The following MFSD6 variants were observed in gnomAD, a reference collection of about 807,000 sequenced individuals.
The protein encoded by MFSD6 is major facilitator superfamily domain-containing protein 6.
A neutral mutation model predicts 56.3 loss-of-function variants in MFSD6; 26 were observed. That is an observed-to-expected ratio of 0.46 (90% CI 0.34 to 0.64). The LOEUF is 0.64. MFSD6 is among the 30% of genes least tolerant of loss of function. The probability of loss-of-function intolerance (pLI) is 0.01; values close to 1 mark genes in which losing one functional copy is unlikely to be tolerated. For synonymous variants in MFSD6, 331 were observed against 366.9 expected (o/e 0.90, Z 1.12); for missense variants, 750 against 986.2 (o/e 0.76, Z 3.21).
intron 2 of MFSD6, among the ~76,000 whole-genome samples, chr2:190,429,073 A>G (rs899242345): frequency 5.3e-5 from 8 of 151,946 alleles, no homozygotes; most frequent in Admixed American, 2.6e-4. Flanking sequence ...ATCTTTTTAC[A>G]TATTTATTGG....
At chr2:190,430,987 A>G (rs1188253073) in intron 2 of MFSD6, among the ~76,000 whole-genome samples, 2 of 143,044 alleles carry the variant, frequency 1.4e-5, no homozygotes, top group African/African-American at 5.3e-5. Flanking sequence ...CACTTCTCAG[A>G]TGGGGCAGCT....
Position 190,489,112 on chromosome 2 carries a change from G to C in MFSD6, c.1792+294G>C, listed in dbSNP as rs1415319162. 6.6e-6 allele frequency among the ~76,000 whole-genome samples: 1 copy of C among 152,124 alleles called. No homozygotes were observed. The highest frequency in any genetic ancestry group is 1.5e-5 in the Non-Finnish European group (1 of 68,012). On this transcript the variant is annotated intron_variant, in intron 5 of 7. Coordinates refer to ENST00000392328, the MANE Select transcript of MFSD6 (RefSeq NM_017694.4). This position sits in a 1 kb window ranked among gnomAD's most constrained non-coding sequence, Gnocchi z 6.6. ...AAATGAATTAGCATGAGTGCTTTTG[G>C]TCTAAAATAAGGTACCTTAAACCTG...
intron 3 of MFSD6, among the ~76,000 whole-genome samples, chr2:190,455,852 A>T (rs555025455): frequency 1.3e-5 from 2 of 151,562 alleles, no homozygotes. Context: ...TAAAAACAGA[A>T]TAGAGCAAAA....
rs1433895169 is a variant in MFSD6, at chr2:190,492,186, G to T, written c.1891+2320G>T. Among the ~76,000 whole-genome samples, 12 of 152,140 alleles carry T rather than the reference G, an allele frequency of 7.9e-5. No homozygotes were observed. Among genetic ancestry groups the T allele is most frequent in the Admixed American group, 5.9e-4 (9 of 15,276 alleles). On this transcript the variant is annotated intron_variant, in intron 6 of 7. Transcript: ENST00000392328. The surrounding 1 kb of genome is among the most constrained non-coding windows in gnomAD (Gnocchi z 5.2). ...TAAATAAACAAACCTAAGAATAATT[G>T]GAGTTCCTGAGGAAGAAGATACATC...
Position 190,494,563 on chromosome 2 carries a change from C to T in MFSD6, c.1892-2876C>T, listed in dbSNP as rs562980788. On this transcript the variant is annotated intron_variant, in intron 6 of 7. Transcript: ENST00000392328. The surrounding 1 kb of genome is among the most constrained non-coding windows in gnomAD (Gnocchi z 5.7). ...CATAACAAAAAAAGAAAACTACAGA[C>T]CAATATCCCTGATGAACATCAATGC... 5.3e-5 allele frequency among the ~76,000 whole-genome samples: 8 copies of T among 152,256 alleles called. No homozygotes were observed. The East Asian group carries it at 1.5e-3, about 29-fold the overall frequency.
intron 4 of MFSD6, chr2:190,477,196 A>G: frequency 1.1e-6 from 1 of 927,028 alleles, no homozygotes; most frequent in Non-Finnish European, 1.3e-6. Flanking sequence ...CTAAAACTTA[A>G]AGTATAATAA....
In MFSD6 at chr2:190,463,975, C is replaced by A. The variant is rs893263290; in HGVS notation, c.1533-5783C>A. On this transcript the variant is annotated intron_variant, in intron 3 of 7. Transcript: ENST00000392328. This position sits in a 1 kb window ranked among gnomAD's most constrained non-coding sequence, Gnocchi z 4.4. ...TGCTCCAGGGATCTGGTGTCAACAACCAGCTCTTTTCATTAGGAAATCTAG... is the reference window on the plus strand; with the variant it reads ...TGCTCCAGGGATCTGGTGTCAACAAACAGCTCTTTTCATTAGGAAATCTAG... 5 of 811,298 alleles carry A rather than the reference C, an allele frequency of 6.2e-6. No individual in the cohort carries two copies. The highest frequency in any genetic ancestry group is 1.9e-5 in the African/African-American group (1 of 53,752). The allele number at this position is 811,298 out of a possible 1,614,324, so 50.3% of individuals were successfully genotyped here.
rs1465023460 is a variant in MFSD6, at chr2:190,496,325, A to C, written c.1892-1114A>C. ...AAGAATGGCCATTATCAAATAATCA[A>C]AAAATAATTGATGTTGGTGTGGATG... On this transcript the variant is annotated intron_variant, in intron 6 of 7. Coordinates refer to ENST00000392328, the MANE Select transcript of MFSD6 (RefSeq NM_017694.4). This position sits in a 1 kb window ranked among gnomAD's most constrained non-coding sequence, Gnocchi z 4.7. Among the ~76,000 whole-genome samples, 1 of 152,196 alleles carries C rather than the reference A, an allele frequency of 6.6e-6. No homozygotes were observed. Among genetic ancestry groups the C allele is most frequent in the Non-Finnish European group, 1.5e-5 (1 of 68,014 alleles).
chr2:190,428,374 A>G (rs1258453950), intron 2 of MFSD6, among the ~76,000 whole-genome samples: 4 of 152,196 alleles, frequency 2.6e-5, no homozygotes, highest in African/African-American at 9.7e-5. Context: ...ATTAGTAGCT[A>G]TTCCCAGTTT....
In MFSD6 at chr2:190,499,755, C is replaced by A; in HGVS notation, c.2173-260C>A. Reference sequence around the variant, plus strand: ...AAACTGTTTACCAAGTACTAACAGACATTTTGGTAGTAATGTTCCTTTTTC... The same window carrying A: ...AAACTGTTTACCAAGTACTAACAGAAATTTTGGTAGTAATGTTCCTTTTTC... On this transcript the variant is annotated intron_variant, in intron 7 of 7. Transcript: ENST00000392328. This position sits in a 1 kb window ranked among gnomAD's most constrained non-coding sequence, Gnocchi z 6.0. 7.2e-7 allele frequency: 1 copy of A among 1,379,338 alleles called. No homozygotes were observed. Among genetic ancestry groups the A allele is most frequent in the Non-Finnish European group, 9.7e-7 (1 of 1,026,034 alleles). The allele number at this position is 1,379,338 out of a possible 1,614,324, so 85.4% of individuals were successfully genotyped here.
Position 190,490,010 on chromosome 2 carries a change from T to G in MFSD6, c.1891+144T>G. ...TCTGAGTGGCGTATCGATGAATTCA[T>G]GTGGACTATTGTTAAAGAGATCCAC... On this transcript the variant is annotated intron_variant, in intron 6 of 7. Transcript: ENST00000392328. This position sits in a 1 kb window ranked among gnomAD's most constrained non-coding sequence, Gnocchi z 4.5. 1.6e-6 allele frequency: 1 copy of G among 620,594 alleles called. No individual in the cohort carries two copies. The highest frequency in any genetic ancestry group is 2.7e-6 in the Non-Finnish European group (1 of 363,932). The allele number at this position is 620,594 out of a possible 1,614,324, so 38.4% of individuals were successfully genotyped here.
chr2:190,473,257 G>A (rs1688061477), intron 4 of MFSD6, among the ~76,000 whole-genome samples: 1 of 152,070 alleles, frequency 6.6e-6, no homozygotes, highest in Non-Finnish European at 1.5e-5. Context: ...AAATATAAAT[G>A]GGCTAAATGC....
chr2:190,500,475 G>A lies in MFSD6; in HGVS notation c.*257G>A, dbSNP rs529406315. The stretch of plus-strand genomic sequence containing the variant: ...AATGAGGACTTTCAGTTCTTTGCTT[G>A]GTTAGGTTAAGGATGATAGAATTTC... On this transcript the variant is annotated 3_prime_UTR_variant, in exon 8 of 8. Coordinates refer to ENST00000392328, the MANE Select transcript of MFSD6 (RefSeq NM_017694.4). The surrounding 1 kb of genome is among the most constrained non-coding windows in gnomAD (Gnocchi z 5.3). 4.1e-6 allele frequency: 2 copies of A among 490,782 alleles called. No homozygotes were observed. Among genetic ancestry groups the A allele is most frequent in the Admixed American group, 6.9e-5 (2 of 28,840 alleles). The allele number at this position is 490,782 out of a possible 1,614,324, so 30.4% of individuals were successfully genotyped here. A position where few individuals can be genotyped will look rare whatever the true frequency, so the allele number is the denominator to read the frequency against.
intron 6 of MFSD6, among the ~76,000 whole-genome samples, chr2:190,493,947 T>C (rs1689514668): frequency 6.6e-6 from 1 of 151,230 alleles, no homozygotes; most frequent in Admixed American, 6.6e-5. Flanking sequence ...AGGTCACACC[T>C]CAAGGAACTA....
intron 3 of MFSD6, among the ~76,000 whole-genome samples, chr2:190,445,814 G>A (rs1686559345): frequency 6.6e-6 from 1 of 151,974 alleles, no homozygotes; most frequent in South Asian, 2.1e-4. Flanking sequence ...TGGTAATATG[G>A]AAAGAATAAT....
rs1685700532 is a variant in MFSD6 at position 190,423,589 on chromosome 2, G to T, written c.-54+8176G>T. ...CTTTTTGGCTATTATGAAGAAAGCTGCTATAAACATTTATGCATGGGTTTC... is the reference window on the plus strand; with the variant it reads ...CTTTTTGGCTATTATGAAGAAAGCTTCTATAAACATTTATGCATGGGTTTC... On this transcript the variant is annotated intron_variant, in intron 2 of 7. Transcript: ENST00000392328. The surrounding 1 kb of genome is among the most constrained non-coding windows in gnomAD (Gnocchi z 4.3). Among the ~76,000 whole-genome samples, 1 of 152,152 alleles carries T rather than the reference G, an allele frequency of 6.6e-6. No homozygotes were observed. Among genetic ancestry groups the T allele is most frequent in the East Asian group, 1.9e-4 (1 of 5,198 alleles).
chr2:190,427,201 C>T (rs979894392), intron 2 of MFSD6, among the ~76,000 whole-genome samples: 2 of 152,246 alleles, frequency 1.3e-5, no homozygotes, highest in Non-Finnish European at 2.9e-5. Context: ...CCCATGTAAT[C>T]TCCACTGATA....
At chr2:190,427,053 A>G (rs1263911731) in intron 2 of MFSD6, among the ~76,000 whole-genome samples, 2 of 152,180 alleles carry the variant, frequency 1.3e-5, no homozygotes, top group Non-Finnish European at 2.9e-5. Context: ...AGTGACACCC[A>G]TTGAGAGTGA....
Position 190,454,312 on chromosome 2 carries a change from GAT to G in MFSD6, c.1533-15444_1533-15443del, listed in dbSNP as rs1272572447. On this transcript the variant is annotated intron_variant, in intron 3 of 7. Coordinates refer to ENST00000392328, the MANE Select transcript of MFSD6 (RefSeq NM_017694.4). This position sits in a 1 kb window ranked among gnomAD's most constrained non-coding sequence, Gnocchi z 4.6. The stretch of plus-strand genomic sequence containing the variant: ...TGTGTTAGAGAGTGAAGGTATTAAA[GAT>G]AGAGATAAGAAGCATTTTTCTATGG... 6.6e-6 allele frequency: 1 copy of G among 152,112 alleles called. No homozygotes were observed. The highest frequency in any genetic ancestry group is 2.4e-5 in the African/African-American group (1 of 41,416). 9.4% of individuals were successfully genotyped at this position (152,112 alleles called of 1,614,324 possible). A position where few individuals can be genotyped will look rare whatever the true frequency, so the allele number is the denominator to read the frequency against.
Sources: allele counts gnomAD v4.1 joint callset (sites outside exome capture counted in the v4.1 genomes callset), GRCh38; gene constraint gnomAD v4.1.1; non-coding constraint Gnocchi (gnomAD v3.1); transcripts MANE v1.5; gene names NCBI Gene and HGNC (gene_info 2026-07-23, HGNC 2026-07-21).